MAPT: variants seen among roughly 807,000 people sequenced by gnomAD.
MAPT encodes the protein microtubule associated protein tau.
Under a neutral mutation model 67.9 loss-of-function variants are expected in MAPT, and 34 were observed. The ratio of observed to expected loss-of-function variants is 0.50; its 90% CI spans 0.38 to 0.67. The LOEUF (loss-of-function observed/expected upper bound fraction) is 0.67, where lower values mean the gene tolerates loss of function less well. Among genes scored for constraint, MAPT ranks in the 30% least tolerant of loss-of-function variants. The pLI is 0.00. For missense variants in MAPT, 881 were observed against 1,115.2 expected, an observed-to-expected ratio of 0.79 and a Z score of 2.99; for synonymous variants, 456 against 464.5, an observed-to-expected ratio of 0.98 and a Z score of 0.23.
At chr17:45,946,472 G>A (rs1298501028) in intron 1 of MAPT, among the ~76,000 whole-genome samples, 1 of 151,274 alleles carries the variant, frequency 6.6e-6, no homozygotes, top group Non-Finnish European at 1.5e-5. Flanking sequence ...CGTGGTGGGT[G>A]CCTGTAGTCC....
rs956575542 is a variant in MAPT at position 45,906,532 on chromosome 17, G to A, written c.-18+11846G>A. 6.6e-6 allele frequency among the ~76,000 whole-genome samples: 1 copy of A among 152,136 alleles called. No individual in the cohort carries two copies. Among genetic ancestry groups the A allele is most frequent in the Non-Finnish European group, 1.5e-5 (1 of 68,026 alleles). On this transcript the variant is annotated intron_variant, in intron 1 of 12. Coordinates refer to ENST00000262410, the MANE Select transcript of MAPT (RefSeq NM_001377265.1). This position sits in a 1 kb window ranked among gnomAD's most constrained non-coding sequence, Gnocchi z 4.3. ...TGCTTGCACCTGGCATTTGAATTGAGCCAGAGCGGGGCTAAAGTCAGTTTG... is the reference window on the plus strand; with the variant it reads ...TGCTTGCACCTGGCATTTGAATTGAACCAGAGCGGGGCTAAAGTCAGTTTG...
In MAPT at chr17:45,904,310, A is replaced by T. The variant is rs1220028245; in HGVS notation, c.-18+9624A>T. Among the ~76,000 whole-genome samples the T allele has an allele frequency of 4.5e-4, 24 of 53,426 alleles. 1 individual carries two copies. Among genetic ancestry groups the T allele is most frequent in the Non-Finnish European group, 8.0e-4 (21 of 26,248 alleles). The allele number at this position is 53,426 out of a possible 152,430, so 35.0% of individuals were successfully genotyped here. A position where few individuals can be genotyped will look rare whatever the true frequency, so the allele number is the denominator to read the frequency against. The stretch of plus-strand genomic sequence containing the variant: ...ATATGTATAATATATAATATATATA[A>T]AAACATATATAATATATATTATATA... On this transcript the variant is annotated intron_variant, in intron 1 of 12. Coordinates refer to ENST00000262410, the MANE Select transcript of MAPT (RefSeq NM_001377265.1).
At chr17:46,018,862 C>T in intron 12 of MAPT, 132 bp downstream of exon 12, 1 of 699,148 alleles carries the variant, frequency 1.4e-6, no homozygotes, top group Non-Finnish European at 2.6e-6. Flanking sequence ...GGATGTGGGC[C>T]CTCAGCAGCA....
chr17:46,009,794 G>A (rs2075698650), intron 9 of MAPT, among the ~76,000 whole-genome samples: 1 of 152,228 alleles, frequency 6.6e-6, no homozygotes, highest in African/African-American at 2.4e-5. Flanking sequence ...GTCAGGGCTA[G>A]GGGCTGAGAT....
intron 1 of MAPT, among the ~76,000 whole-genome samples, chr17:45,948,519 G>C (rs1017509419): frequency 6.6e-6 from 1 of 152,194 alleles, no homozygotes; most frequent in African/African-American, 2.4e-5. Flanking sequence ...AAGAGCTTTA[G>C]TTCTGTTGGG....
Position 45,991,442 on chromosome 17 carries a change from A to C in MAPT, c.1606-18A>C. 1 of 1,614,034 alleles carries C rather than the reference A, an allele frequency of 6.2e-7. No homozygotes were observed. Among genetic ancestry groups the C allele is most frequent in the Non-Finnish European group, 8.5e-7 (1 of 1,180,000 alleles). ...TTTCCCAATGGTGAAAAACCCCTCT[A>C]TCATGTTTCATTTACAGGGGGCTGA... On this transcript the variant is annotated intron_variant, in intron 7 of 12. Transcript: ENST00000262410.
At chr17:45,930,970 G>A (rs563973359) in intron 1 of MAPT, among the ~76,000 whole-genome samples, 1 of 152,244 alleles carries the variant, frequency 6.6e-6, no homozygotes, top group Middle Eastern at 3.4e-3. Flanking sequence ...GTCACATCCC[G>A]GCCCCAAGAA....
intron 1 of MAPT, among the ~76,000 whole-genome samples, chr17:45,938,376 G>A (rs1018140023): frequency 6.6e-6 from 1 of 152,352 alleles, no homozygotes; most frequent in East Asian, 1.9e-4. Context: ...AGCCAGCAAT[G>A]GCAGGATGAG....
chr17:45,975,401 A>T (rs1192298417), intron 3 of MAPT: 2 of 152,098 alleles, frequency 1.3e-5, no homozygotes, highest in African/African-American at 4.8e-5. Context: ...GAGCAGCCCC[A>T]CCCTGGCCCC....
intron 7 of MAPT, among the ~76,000 whole-genome samples, chr17:45,991,179 G>A (rs1035754959): frequency 2.0e-5 from 3 of 152,214 alleles, no homozygotes; most frequent in Non-Finnish European, 4.4e-5. Context: ...ATTGCTGTGA[G>A]CTCTGCTGGC....
chr17:45,948,047 C>T (rs1379639859), intron 1 of MAPT, among the ~76,000 whole-genome samples: 2 of 151,976 alleles, frequency 1.3e-5, no homozygotes, highest in African/African-American at 4.8e-5. Flanking sequence ...TACTCTGTCA[C>T]CCAGGCTGGA....
intron 1 of MAPT, among the ~76,000 whole-genome samples, chr17:45,911,124 C>T (rs1378013919): frequency 2.0e-5 from 3 of 152,178 alleles, no homozygotes; most frequent in Non-Finnish European, 2.9e-5. Context: ...CACTAGTGCC[C>T]GTTATTTGTG....
Position 45,995,189 on chromosome 17 carries a change from A to T in MAPT, c.1733-1210A>T, listed in dbSNP as rs1346486564. 6.6e-6 allele frequency among the ~76,000 whole-genome samples: 1 copy of T among 152,224 alleles called. No individual in the cohort carries two copies. Among genetic ancestry groups the T allele is most frequent in the East Asian group, 1.9e-4 (1 of 5,202 alleles). On this transcript the variant is annotated intron_variant, in intron 8 of 12. Transcript: ENST00000262410. The surrounding 1 kb of genome is among the most constrained non-coding windows in gnomAD (Gnocchi z 4.3). ...CTGGCCAGCAGGTATGTGTTACAGC[A>T]AATGCCTGGGGCAGCGGCAGGGGCA...
intron 1 of MAPT, among the ~76,000 whole-genome samples, chr17:45,958,514 G>C (rs559065072): frequency 4.1e-4 from 63 of 152,130 alleles, no homozygotes; most frequent in Non-Finnish European, 1.9e-4. Context: ...GATCCCAGGA[G>C]TTCCAACACC....
chr17:45,979,629 A>C (rs1469310698), intron 4 of MAPT: 1 of 152,238 alleles, frequency 6.6e-6, no homozygotes, highest in African/African-American at 2.4e-5. Flanking sequence ...TGGCTATAAG[A>C]GAAGAACCTC....
At chr17:45,985,388 T>A (rs2073438379) in intron 5 of MAPT, among the ~76,000 whole-genome samples, 1 of 152,120 alleles carries the variant, frequency 6.6e-6, no homozygotes. Context: ...AGGGGACAAA[T>A]AACTGACTTG....
intron 9 of MAPT, chr17:45,999,456 C>G (rs763115450): frequency 5.6e-6 from 9 of 1,613,930 alleles, no homozygotes; most frequent in Non-Finnish European, 6.8e-6. Context: ...CCCTGTTGAC[C>G]CTGAGTTCAT....
chr17:45,983,427 G>A lies in MAPT; in HGVS notation c.848G>A (p.Gly283Asp), dbSNP rs202121710. ...QEGPPLKGAG[G>D]KERPGSKEEV... Reference sequence around the variant, plus strand: ...GGGCCGCCGCTGAAGGGGGCAGGGGGCAAAGAGAGGCCGGGGAGCAAGGAG... The same window carrying A: ...GGGCCGCCGCTGAAGGGGGCAGGGGACAAAGAGAGGCCGGGGAGCAAGGAG... The change falls in exon 5 of 13, where the codon GGC (glycine) becomes GAC (aspartate). Residue 283 changes from glycine (G) to aspartate (D), a missense_variant. Gly to Asp is a moderately conservative substitution (Grantham distance 94). Around this residue, in one of 6 missense-constraint regions of MAPT, gnomAD observed 687 missense variants for 766.1 expected, o/e 0.90. Transcript: ENST00000262410. 4.2e-5 allele frequency: 68 copies of A among 1,607,060 alleles called. No individual in the cohort carries two copies. In the East Asian group the frequency reaches 5.1e-4, roughly 12 times the overall value.
chr17:45,942,338 C>T (rs1484634858), intron 1 of MAPT, among the ~76,000 whole-genome samples: 1 of 152,236 alleles, frequency 6.6e-6, no homozygotes, highest in African/African-American at 2.4e-5. Context: ...GTTGGCTTCG[C>T]CCAGGGTGCA....
Sources: gnomAD v4.1 joint callset for allele counts (sites outside exome capture counted in the v4.1 genomes callset) on GRCh38, gnomAD v4.1.1 for gene constraint, gnomAD v4.1.1 regional missense constraint, Gnocchi (gnomAD v3.1) non-coding constraint, MANE v1.5 for transcripts, NCBI Gene and HGNC (gene_info 2026-07-23, HGNC 2026-07-21) for gene names.